Variants in LRTM2 observed in about 807,000 individuals in gnomAD.
The protein encoded by LRTM2 is leucine-rich repeat and transmembrane domain-containing protein 2.
A neutral mutation model predicts 28.1 loss-of-function variants in LRTM2; 18 were observed. The observed-to-expected ratio is 0.64, with a 90% CI of 0.44 to 0.95. The LOEUF (loss-of-function observed/expected upper bound fraction) is 0.95, where lower values mean the gene tolerates loss of function less well. Among genes scored for constraint, LRTM2 ranks in the 40% least tolerant of loss-of-function variants. LRTM2 has a pLI of 0.00. For synonymous variants in LRTM2, 250 were observed against 218.7 expected, an observed-to-expected ratio of 1.14 and a Z score of -1.26; for missense variants, 436 against 497.2, an observed-to-expected ratio of 0.88 and a Z score of 1.17.
At position 1,828,024 on chromosome 12, in the gene LRTM2, C is replaced by G. The variant is rs2154446870; in HGVS notation, c.-73-52C>G. On this transcript the variant is annotated intron_variant, in intron 2 of 4. Transcript: ENST00000299194. The surrounding 1 kb of genome is among the most constrained non-coding windows in gnomAD (Gnocchi z 4.2). ...CCGGGCCCTCTCCCTAACCCCTGGG[C>G]TGGAACGGGGCTCCCGCGCCTGCCT... 1.2e-6 allele frequency: 1 copy of G among 816,026 alleles called. No homozygotes were observed. The highest frequency in any genetic ancestry group is 3.1e-5 in the East Asian group (1 of 32,174). The allele number at this position is 816,026 out of a possible 1,614,324, so 50.5% of individuals were successfully genotyped here. A position where few individuals can be genotyped will look rare whatever the true frequency, so the allele number is the denominator to read the frequency against.
intron 4 of LRTM2, among the ~76,000 whole-genome samples, chr12:1,831,788 C>A (rs192244391): frequency 2.9e-4 from 44 of 150,602 alleles, no homozygotes; most frequent in East Asian, 1.8e-3. Flanking sequence ...CCTCCCCCAG[C>A]CAGCTCCCCA....
rs867870789 is a variant in LRTM2 at position 1,827,185 on chromosome 12, C to A, written c.-258-225C>A. 4.0e-5 allele frequency among the ~76,000 whole-genome samples: 6 copies of A among 151,304 alleles called. No individual in the cohort carries two copies. The South Asian group carries it at 6.3e-4, about 16-fold the overall frequency. On this transcript the variant is annotated intron_variant, in intron 1 of 4. Coordinates refer to ENST00000299194, the MANE Select transcript of LRTM2 (RefSeq NM_001039029.3). ...AGGTAAACACATGCCAGTCCCCTGTCCCCCTCTCTGATGGGCTGGCAGCCT... is the reference window on the plus strand; with the variant it reads ...AGGTAAACACATGCCAGTCCCCTGTACCCCTCTCTGATGGGCTGGCAGCCT...
At position 1,824,197 on chromosome 12, in the gene LRTM2, G is replaced by A. The variant is rs571272769; in HGVS notation, c.-258-3213G>A. On this transcript the variant is annotated intron_variant, in intron 1 of 4. Coordinates refer to ENST00000299194, the MANE Select transcript of LRTM2 (RefSeq NM_001039029.3). Reference sequence around the variant, plus strand: ...GGCCAGCATGGTCTCCTCGGTGGCCGTTTGCCCTGCTGAGAGGTGCCCGGC... The same window carrying A: ...GGCCAGCATGGTCTCCTCGGTGGCCATTTGCCCTGCTGAGAGGTGCCCGGC... Among the ~76,000 whole-genome samples the A allele has an allele frequency of 7.2e-5, 11 of 152,284 alleles. No individual in the cohort carries two copies. In the East Asian group the frequency reaches 9.7e-4, roughly 13 times the overall value.
chr12:1,830,913 C>T, intron 3 of LRTM2, 22 bp from the exon 4 acceptor site: 3 of 1,569,992 alleles, frequency 1.9e-6, no homozygotes, highest in South Asian at 1.2e-5. Context: ...CTTTCTTTCC[C>T]CCGTCTGTCC....
chr12:1,826,099 G>A (rs552775244), intron 1 of LRTM2, among the ~76,000 whole-genome samples: 49 of 152,220 alleles, frequency 3.2e-4, no homozygotes, highest in African/African-American at 1.2e-3. Context: ...GAGGTTGGTG[G>A]GATCGGGAAA....
At position 1,828,242 on chromosome 12, in the gene LRTM2, G is replaced by A. The variant is rs767023139; in HGVS notation, c.67+27G>A. 1.8e-5 allele frequency: 27 copies of A among 1,530,870 alleles called. No individual in the cohort carries two copies. Among genetic ancestry groups the A allele is most frequent in the South Asian group, 8.6e-5 (7 of 81,614 alleles). 94.8% of individuals were successfully genotyped at this position (1,530,870 alleles called of 1,614,324 possible). A position where few individuals can be genotyped will look rare whatever the true frequency, so the allele number is the denominator to read the frequency against. Reference sequence around the variant, plus strand: ...TGAGTACACCCCTGGCCTCGGAGGGGGGTGCGGGTTGGGTGGGGGTGCCGA... The same window carrying A: ...TGAGTACACCCCTGGCCTCGGAGGGAGGTGCGGGTTGGGTGGGGGTGCCGA... On this transcript the variant is annotated intron_variant, in intron 3 of 4. Transcript: ENST00000299194. The surrounding 1 kb of genome is among the most constrained non-coding windows in gnomAD (Gnocchi z 4.2).
chr12:1,823,563 C>T (rs1268524512), intron 1 of LRTM2, among the ~76,000 whole-genome samples: 1 of 152,046 alleles, frequency 6.6e-6, no homozygotes, highest in Non-Finnish European at 1.5e-5. Context: ...CCCCCATGGC[C>T]TCCCCAGCCT....
chr12:1,827,086 C>A (rs557877737), intron 1 of LRTM2, among the ~76,000 whole-genome samples: 51 of 152,322 alleles, frequency 3.3e-4, no homozygotes, highest in African/African-American at 1.2e-3. Context: ...GCAGGGAGCC[C>A]GTGGAGGGCG....
Position 1,834,609 on chromosome 12 carries a change from T to C in LRTM2, c.1001T>C (p.Ile334Thr), listed in dbSNP as rs961125080. The C allele has an allele frequency of 1.2e-6, 2 of 1,600,048 alleles. No individual in the cohort carries two copies. The highest frequency in any genetic ancestry group is 1.7e-6 in the Non-Finnish European group (2 of 1,179,894). ...GTGGTGGCCGCTGCCTATGGCTGCA[T>C]CTACGCCTCCCTCATGGCCAAGTAC... is the stretch of plus-strand genomic sequence containing the variant. ...MMVVAAAYGCIYASLMAKYHR... is the reference protein window; with the variant it reads ...MMVVAAAYGCTYASLMAKYHR... Residue 334 changes from isoleucine (I) to threonine (T), a missense_variant, in exon 5 of 5, where the codon ATC becomes ACC. By Grantham distance (89) the Ile-to-Thr change is moderately conservative. Coordinates refer to ENST00000299194, the MANE Select transcript of LRTM2 (RefSeq NM_001039029.3). This position sits in a 1 kb window ranked among gnomAD's most constrained non-coding sequence, Gnocchi z 7.6.
rs943579414 is a variant in LRTM2 at position 1,834,628 on chromosome 12, C to T, written c.1020C>T (p.Ala340=). 3 of 1,600,302 alleles carry T rather than the reference C, an allele frequency of 1.9e-6. No individual in the cohort carries two copies. The highest frequency in any genetic ancestry group is 2.5e-6 in the Non-Finnish European group (3 of 1,179,912). ...GCTGCATCTACGCCTCCCTCATGGC[C>T]AAGTACCACCGGGAGCTCAAAAAGC... The part of the protein sequence containing the change: ...AYGCIYASLM[A]KYHRELKKRQ... Residue 340 remains alanine, a synonymous_variant, in exon 5 of 5, where the codon GCC becomes GCT. Coordinates refer to ENST00000299194, the MANE Select transcript of LRTM2 (RefSeq NM_001039029.3). The surrounding 1 kb of genome is among the most constrained non-coding windows in gnomAD (Gnocchi z 7.6).
At position 1,835,175 on chromosome 12, in the gene LRTM2, C is replaced by T. The variant is rs115189587; in HGVS notation, c.*454C>T. 1.6e-3 allele frequency: 264 copies of T among 163,132 alleles called. 1 individual carries two copies. Among genetic ancestry groups the T allele is most frequent in the African/African-American group, 6.2e-3 (260 of 41,790 alleles). 10.1% of individuals were successfully genotyped at this position (163,132 alleles called of 1,614,324 possible). On this transcript the variant is annotated 3_prime_UTR_variant, in exon 5 of 5. Coordinates refer to ENST00000299194, the MANE Select transcript of LRTM2 (RefSeq NM_001039029.3). ...AGATTTCTGAGACTCTCTCCTAAGC[C>T]AGAAAGACGTTCTTAACACCCCTGC...
Position 1,833,738 on chromosome 12 carries a change from C to T in LRTM2, c.659-529C>T, listed in dbSNP as rs1391672658. 1.3e-5 allele frequency among the ~76,000 whole-genome samples: 2 copies of T among 152,224 alleles called. No individual in the cohort carries two copies. The highest frequency in any genetic ancestry group is 1.5e-5 in the Non-Finnish European group (1 of 68,030). On this transcript the variant is annotated intron_variant, in intron 4 of 4. Coordinates refer to ENST00000299194, the MANE Select transcript of LRTM2 (RefSeq NM_001039029.3). The surrounding 1 kb of genome is among the most constrained non-coding windows in gnomAD (Gnocchi z 4.2). ...AAGGTCTTGCGTGGAGGGGCAGCGG[C>T]AGGGGCAGTGGGTTTTGACTGCTGT...
rs1263176017 is a variant in LRTM2 at position 1,834,914 on chromosome 12, G to A, written c.*193G>A. 4.7e-6 allele frequency: 5 copies of A among 1,063,686 alleles called. No individual in the cohort carries two copies. The highest frequency in any genetic ancestry group is 6.5e-6 in the Non-Finnish European group (5 of 766,912). 65.9% of individuals were successfully genotyped at this position (1,063,686 alleles called of 1,614,324 possible). ...CTCCCTGAAAGCCACCGTGCTGGGG[G>A]CTCCTGCTGATGCTCCTGTCTGGGC... On this transcript the variant is annotated 3_prime_UTR_variant, in exon 5 of 5. Coordinates refer to ENST00000299194, the MANE Select transcript of LRTM2 (RefSeq NM_001039029.3). The surrounding 1 kb of genome is among the most constrained non-coding windows in gnomAD (Gnocchi z 7.6).
rs887102195 is a variant in LRTM2 at position 1,836,469 on chromosome 12, G to C, written c.*1748G>C. ...AGTGGGTGGGTGAGGTGGGCTGGGGGCCTGGAGGAGTGCCTTTGAGGAGGT... is the reference window on the plus strand; with the variant it reads ...AGTGGGTGGGTGAGGTGGGCTGGGGCCCTGGAGGAGTGCCTTTGAGGAGGT... On this transcript the variant is annotated 3_prime_UTR_variant, in exon 5 of 5. Coordinates refer to ENST00000299194, the MANE Select transcript of LRTM2 (RefSeq NM_001039029.3). 6.6e-6 allele frequency: 1 copy of C among 152,428 alleles called. No homozygotes were observed. The highest frequency in any genetic ancestry group is 1.5e-5 in the Non-Finnish European group (1 of 68,188). The allele number at this position is 152,428 out of a possible 1,614,324, so 9.4% of individuals were successfully genotyped here. A position where few individuals can be genotyped will look rare whatever the true frequency, so the allele number is the denominator to read the frequency against.
At position 1,835,416 on chromosome 12, in the gene LRTM2, A is replaced by G. The variant is rs1864814506; in HGVS notation, c.*695A>G. ...CCAGTGCGGTCACATGGATTGAAAG[A>G]ATTAATACACACACACACACACACA... On this transcript the variant is annotated 3_prime_UTR_variant, in exon 5 of 5. Coordinates refer to ENST00000299194, the MANE Select transcript of LRTM2 (RefSeq NM_001039029.3). 6.6e-6 allele frequency: 1 copy of G among 151,364 alleles called. No homozygotes were observed. The highest frequency in any genetic ancestry group is 2.5e-5 in the African/African-American group (1 of 40,446). The allele number at this position is 151,364 out of a possible 1,614,324, so 9.4% of individuals were successfully genotyped here. A position where few individuals can be genotyped will look rare whatever the true frequency, so the allele number is the denominator to read the frequency against.
Position 1,831,425 on chromosome 12 carries a change from C to G in LRTM2, c.558C>G (p.Pro186=), listed in dbSNP as rs747242920. 1 of 1,614,130 alleles carries G rather than the reference C, an allele frequency of 6.2e-7. No individual in the cohort carries two copies. Among genetic ancestry groups the G allele is most frequent in the South Asian group, 1.1e-5 (1 of 91,076 alleles). ...ATCTGGACCGGCTGACATTTGAACCCCTAGCAAACCTGCAGCTGCTGCAGG... is the reference window on the plus strand; with the variant it reads ...ATCTGGACCGGCTGACATTTGAACCGCTAGCAAACCTGCAGCTGCTGCAGG... ...LQNLDRLTFE[P]LANLQLLQVG... Residue 186 remains proline, a synonymous_variant, in exon 4 of 5, where the codon CCC becomes CCG. Coordinates refer to ENST00000299194, the MANE Select transcript of LRTM2 (RefSeq NM_001039029.3).
chr12:1,825,467 G>A (rs960945744), intron 1 of LRTM2, among the ~76,000 whole-genome samples: 6 of 152,228 alleles, frequency 3.9e-5, no homozygotes, highest in Non-Finnish European at 8.8e-5. Context: ...GTTCTCTCTA[G>A]ACCTTAGTTC....
At chr12:1,823,017 A>AG (rs1565687035) in intron 1 of LRTM2, among the ~76,000 whole-genome samples, 3 of 152,192 alleles carry the variant, frequency 2.0e-5, no homozygotes, top group African/African-American at 7.2e-5. Context: ...TGCAGAGTGA[A>AG]GGGGGCGGCA....
At chr12:1,826,657 A>G (rs1280636168) in intron 1 of LRTM2, among the ~76,000 whole-genome samples, 1 of 152,126 alleles carries the variant, frequency 6.6e-6, no homozygotes, top group Admixed American at 6.5e-5. Flanking sequence ...GAAGGGGAGG[A>G]AAGACAGCCG....
Sources: allele counts gnomAD v4.1 joint callset (sites outside exome capture counted in the v4.1 genomes callset), GRCh38; gene constraint gnomAD v4.1.1; non-coding constraint Gnocchi (gnomAD v3.1); transcripts MANE v1.5; gene names NCBI Gene and HGNC (gene_info 2026-07-23, HGNC 2026-07-21).